DST: variants seen among roughly 807,000 people sequenced by gnomAD.
DST encodes the protein bullous pemphigoid antigen.
DST carries 253 observed loss-of-function variants against 875.2 expected under a neutral mutation model. The observed-to-expected ratio is 0.29, with a 90% CI of 0.26 to 0.32. DST has a LOEUF of 0.32. Among genes scored for constraint, DST ranks in the 10% least tolerant of loss-of-function variants. The pLI, the probability that DST is intolerant of heterozygous loss-of-function variation, is 1.00. For synonymous variants in DST, 3,124 were observed against 3,197.1 expected (o/e 0.98, Z 0.77); for missense variants, 8,287 against 9,111.6 (o/e 0.91, Z 3.68).
rs1433112332 is a variant in DST, at chr6:56,572,266, C to T, written c.13555G>A (p.Glu4519Lys). 1 of 1,547,166 alleles carries T rather than the reference C, an allele frequency of 6.5e-7. No homozygotes were observed. Among genetic ancestry groups the T allele is most frequent in the Non-Finnish European group, 8.7e-7 (1 of 1,145,480 alleles). Residue 4519 changes from glutamate (E) to lysine (K), a missense_variant and splice_region_variant, in exon 53 of 104, where the codon GAA becomes AAA. Glu to Lys is a moderately conservative substitution (Grantham distance 56). Coordinates refer to ENST00000680361, the MANE Select transcript of DST (RefSeq NM_001374736.1). ...DVTELSQYMQ[E>K]STSEFLEHKK... is the part of the protein sequence containing the mutation. ...TGTTCTAAAAATTCAGAAGTTGATT[C>T]CTACAAAGCATTAAGATATTCAGTC...
chr6:56,503,226 C>T (rs2096194870), intron 78 of DST, among the ~76,000 whole-genome samples: 1 of 151,816 alleles, frequency 6.6e-6, no homozygotes, highest in South Asian at 2.1e-4. Context: ...TGCTAGCACA[C>T]CAAGGTCACT....
chr6:56,781,027 G>A (rs183713907), intron 4 of DST, among the ~76,000 whole-genome samples: 3 of 152,124 alleles, frequency 2.0e-5, no homozygotes, highest in South Asian at 2.1e-4. Flanking sequence ...TCAAAGATCA[G>A]ATAGTTGTAG....
At chr6:56,520,553 G>A (rs79967685) in intron 69 of DST, among the ~76,000 whole-genome samples, 6 of 151,894 alleles carry the variant, frequency 4.0e-5, no homozygotes. Flanking sequence ...ACTGAGTAGA[G>A]GATACAATGG....
chr6:56,645,259 A>G (rs1163855388), intron 15 of DST, among the ~76,000 whole-genome samples: 2 of 152,196 alleles, frequency 1.3e-5, no homozygotes, highest in African/African-American at 4.8e-5. Context: ...TGTAAGGGAG[A>G]CAAATTCATC....
intron 4 of DST, among the ~76,000 whole-genome samples, chr6:56,756,453 G>A (rs1191782563): frequency 1.3e-5 from 2 of 152,144 alleles, no homozygotes; most frequent in Non-Finnish European, 2.9e-5. Flanking sequence ...TTCACTGGTA[G>A]CTGACTTAAG....
At chr6:56,878,186 G>C (rs562163192) in intron 3 of DST, among the ~76,000 whole-genome samples, 1 of 152,214 alleles carries the variant, frequency 6.6e-6, no homozygotes, top group African/African-American at 2.4e-5. Context: ...AAACCAAGAG[G>C]AGAGATTGTT....
chr6:56,803,388 T>C (rs1404560156), intron 4 of DST, among the ~76,000 whole-genome samples: 1 of 151,552 alleles, frequency 6.6e-6, no homozygotes, highest in Non-Finnish European at 1.5e-5. Flanking sequence ...ATAGTGACAC[T>C]ATTGATTAAA....
chr6:56,524,987 G>A (rs2096772266), intron 69 of DST, among the ~76,000 whole-genome samples: 1 of 151,846 alleles, frequency 6.6e-6, no homozygotes, highest in East Asian at 1.9e-4. Flanking sequence ...TTTCCCCCAT[G>A]CCTTTGGAAA....
chr6:56,485,774 T>C (rs534287661), intron 87 of DST, among the ~76,000 whole-genome samples: 51 of 152,302 alleles, frequency 3.3e-4, no homozygotes, highest in African/African-American at 1.1e-3. Context: ...AAATTTTGTT[T>C]TAGATTATCA....
At chr6:56,535,753 A>G (rs141364767) in intron 62 of DST, among the ~76,000 whole-genome samples, 51 of 152,344 alleles carry the variant, frequency 3.3e-4, no homozygotes, top group Admixed American at 9.8e-4. Flanking sequence ...AGAATAACAA[A>G]AGTATCCAAT....
intron 36 of DST, chr6:56,618,812 T>G (rs1284377082): frequency 6.2e-7 from 1 of 1,614,058 alleles, no homozygotes; most frequent in Non-Finnish European, 8.5e-7. Flanking sequence ...AGATTCTTCC[T>G]GAAACAGAAC....
chr6:56,531,067 T>A (rs1225141263), intron 64 of DST, among the ~76,000 whole-genome samples: 2 of 152,216 alleles, frequency 1.3e-5, no homozygotes, highest in Admixed American at 1.3e-4. Flanking sequence ...CACACATTTT[T>A]AAAAACTTTC....
chr6:56,528,795 T>C lies in DST; in HGVS notation c.17680+46A>G. The C allele has an allele frequency of 3.1e-6, 4 of 1,294,660 alleles. No homozygotes were observed. In the South Asian group the frequency reaches 5.4e-5, roughly 17 times the overall value. 80.2% of individuals were successfully genotyped at this position (1,294,660 alleles called of 1,614,324 possible). A position where few individuals can be genotyped will look rare whatever the true frequency, so the allele number is the denominator to read the frequency against. On this transcript the variant is annotated intron_variant, in intron 67 of 103. Coordinates refer to ENST00000680361, the MANE Select transcript of DST (RefSeq NM_001374736.1). ...CATCCCTAAAATATTTTGAAAACAATATAAAATGCTGACCACATGATGATT... is the reference window on the plus strand; with the variant it reads ...CATCCCTAAAATATTTTGAAAACAACATAAAATGCTGACCACATGATGATT...
chr6:56,501,516 T>G lies in DST; in HGVS notation c.19740+4A>C. ...AATTTCTTAAGAAAAGTCTTGGTATTTACCTGTCTGTTGATGATTCTCTCC... is the reference window on the plus strand; with the variant it reads ...AATTTCTTAAGAAAAGTCTTGGTATGTACCTGTCTGTTGATGATTCTCTCC... On this transcript the variant is annotated splice_donor_region_variant and intron_variant, in intron 79 of 103. Transcript: ENST00000680361. 1 of 1,537,332 alleles carries G rather than the reference T, an allele frequency of 6.5e-7. No homozygotes were observed. The highest frequency in any genetic ancestry group is 8.7e-7 in the Non-Finnish European group (1 of 1,142,884).
At chr6:56,804,297 T>C (rs1322579739) in intron 4 of DST, among the ~76,000 whole-genome samples, 2 of 152,268 alleles carry the variant, frequency 1.3e-5, no homozygotes, top group East Asian at 1.9e-4. Context: ...GTTATTGCAA[T>C]GCCTCTGAAA....
intron 61 of DST, chr6:56,540,825 C>G (rs755383931): frequency 6.6e-6 from 1 of 152,534 alleles, no homozygotes; most frequent in Non-Finnish European, 1.5e-5. Flanking sequence ...AAATTTTCAT[C>G]AGGGTGGGCA....
chr6:56,948,377 T>G (rs1820745789), intron 2 of DST, among the ~76,000 whole-genome samples: 1 of 152,200 alleles, frequency 6.6e-6, no homozygotes, highest in African/African-American at 2.4e-5. Context: ...AACACAAGTG[T>G]GGCAATACAG....
intron 4 of DST, among the ~76,000 whole-genome samples, chr6:56,738,217 A>G (rs1435202938): frequency 6.6e-6 from 1 of 152,242 alleles, no homozygotes; most frequent in Admixed American, 6.5e-5. Flanking sequence ...AGTGCCCCCA[A>G]CTTCTAATCT....
At chr6:56,840,340 G>C (rs924207733) in intron 4 of DST, among the ~76,000 whole-genome samples, 1 of 152,064 alleles carries the variant, frequency 6.6e-6, no homozygotes, top group Non-Finnish European at 1.5e-5. Context: ...ATATACACTG[G>C]ATAATTTACT....
Sources: gnomAD v4.1 joint callset for allele counts (sites outside exome capture counted in the v4.1 genomes callset) on GRCh38, gnomAD v4.1.1 for gene constraint, MANE v1.5 for transcripts, NCBI Gene and HGNC (gene_info 2026-07-23, HGNC 2026-07-21) for gene names.